The following DLGAP1 variants were observed in gnomAD, a reference collection of about 807,000 sequenced individuals.
DLGAP1 encodes the protein disks large-associated protein 1.
In DLGAP1, 11 loss-of-function variants were observed where a neutral mutation model predicts 90.8. The observed-to-expected ratio is 0.12, with a 90% CI of 0.08 to 0.20. The LOEUF is 0.20. DLGAP1 is among the 10% of genes least tolerant of loss of function. The pLI, the probability that DLGAP1 is intolerant of heterozygous loss-of-function variation, is 1.00. For missense variants in DLGAP1, 1,050 were observed against 1,333.8 expected (o/e 0.79, Z 3.31); for synonymous variants, 558 against 540.7 (o/e 1.03, Z -0.44).
At chr18:4,167,456 C>G (rs548851614) in intron 1 of DLGAP1, among the ~76,000 whole-genome samples, 93 of 152,064 alleles carry the variant, frequency 6.1e-4, no homozygotes, top group Non-Finnish European at 1.2e-3. Context: ...GATATAACCC[C>G]TGAATCTTAA....
chr18:4,237,110 G>A lies in DLGAP1; in HGVS notation c.-266-85823C>T, dbSNP rs376604253. ...GAGTAGCTCAGTGTTAGGACAGAGG[G>A]AAGTCGGGAAATGACTGTGTGTGCC... On this transcript the variant is annotated intron_variant, in intron 1 of 12. Transcript: ENST00000315677. Among the ~76,000 whole-genome samples, 5 of 152,290 alleles carry A rather than the reference G, an allele frequency of 3.3e-5. No individual in the cohort carries two copies. The South Asian group carries it at 6.2e-4, about 19-fold the overall frequency.
chr18:3,624,396 C>T (rs761518328), intron 7 of DLGAP1, among the ~76,000 whole-genome samples: 1 of 152,202 alleles, frequency 6.6e-6, no homozygotes, highest in Non-Finnish European at 1.5e-5. Flanking sequence ...TCTTCCAGCT[C>T]AACACTGATG....
intron 7 of DLGAP1, among the ~76,000 whole-genome samples, chr18:3,687,841 A>G (rs189064619): frequency 6.6e-6 from 1 of 152,296 alleles, no homozygotes; most frequent in East Asian, 1.9e-4. Context: ...ATAACATTGA[A>G]AGAGAAATTC....
At chr18:3,925,669 T>A (rs572227594) in intron 3 of DLGAP1, among the ~76,000 whole-genome samples, 35 of 152,290 alleles carry the variant, frequency 2.3e-4, no homozygotes, top group Non-Finnish European at 4.1e-4. Context: ...CAGATCTCAG[T>A]AAGACATAGT....
chr18:4,151,863 G>A (rs1050579608), intron 1 of DLGAP1, among the ~76,000 whole-genome samples: 5 of 152,028 alleles, frequency 3.3e-5, no homozygotes, highest in Non-Finnish European at 7.4e-5. Flanking sequence ...AATGCATGCG[G>A]GTCTTAAAAC....
chr18:3,804,871 C>T (rs994613609), intron 5 of DLGAP1, among the ~76,000 whole-genome samples: 9 of 152,194 alleles, frequency 5.9e-5, no homozygotes, highest in African/African-American at 2.2e-4. Context: ...GAAAATAAAC[C>T]AGTGCTTAAG....
chr18:3,674,016 T>C (rs1237940126), intron 7 of DLGAP1, among the ~76,000 whole-genome samples: 2 of 150,874 alleles, frequency 1.3e-5, no homozygotes, highest in Non-Finnish European at 3.0e-5. Context: ...CTAATTTTTA[T>C]ACTTTAGCAG....
At chr18:4,188,674 C>T (rs2077342443) in intron 1 of DLGAP1, among the ~76,000 whole-genome samples, 1 of 152,166 alleles carries the variant, frequency 6.6e-6, no homozygotes, top group African/African-American at 2.4e-5. Context: ...CATAGTATTC[C>T]ATGGTGTAGG....
intron 1 of DLGAP1, among the ~76,000 whole-genome samples, chr18:4,409,255 A>G (rs966015059): frequency 2.0e-5 from 3 of 152,134 alleles, no homozygotes; most frequent in Non-Finnish European, 4.4e-5. Context: ...AGAATGATAC[A>G]TGTGACTACA....
chr18:3,943,555 G>A lies in DLGAP1; in HGVS notation c.-73+61561C>T, dbSNP rs575790701. Among the ~76,000 whole-genome samples, 338 of 150,244 alleles carry A rather than the reference G, an allele frequency of 2.2e-3. 3 individuals are homozygous for A. Among genetic ancestry groups the A allele is most frequent in the African/African-American group, 7.6e-3 (312 of 40,858 alleles). ...CCTTTTATGAATTTGCAAATCGGTA[G>A]AACTGGTCAGTCATTGGAAAGGGGA... On this transcript the variant is annotated intron_variant, in intron 3 of 12. Coordinates refer to ENST00000315677, the MANE Select transcript of DLGAP1 (RefSeq NM_004746.4).
chr18:3,685,359 C>G (rs1347589563), intron 7 of DLGAP1, among the ~76,000 whole-genome samples: 1 of 151,806 alleles, frequency 6.6e-6, no homozygotes, highest in African/African-American at 2.4e-5. Flanking sequence ...GTCAGGAGAT[C>G]GAGACCATCC....
At chr18:4,064,062 T>C (rs1037736405) in intron 2 of DLGAP1, among the ~76,000 whole-genome samples, 3 of 152,070 alleles carry the variant, frequency 2.0e-5, no homozygotes, top group Non-Finnish European at 2.9e-5. Flanking sequence ...CTCAGTCTTT[T>C]AGCATCTGGC....
chr18:4,335,570 C>T (rs979179023), intron 1 of DLGAP1, among the ~76,000 whole-genome samples: 6 of 149,556 alleles, frequency 4.0e-5, no homozygotes, highest in Non-Finnish European at 5.9e-5. Context: ...TGTGGTTTCA[C>T]CTGGCTCTGG....
chr18:4,129,487 G>A (rs35295677), intron 2 of DLGAP1, among the ~76,000 whole-genome samples: 24,189 of 152,070 alleles, frequency 0.16, 2,095 homozygotes, highest in Middle Eastern at 0.23. Flanking sequence ...ATCGTGGTGC[G>A]TCATAGAATG....
At chr18:3,543,622 T>C (rs538398360) in intron 9 of DLGAP1, among the ~76,000 whole-genome samples, 7 of 152,352 alleles carry the variant, frequency 4.6e-5, no homozygotes, top group Admixed American at 2.0e-4. Context: ...CTGAACTTAC[T>C]ATATTATCTG....
Position 4,096,022 on chromosome 18 carries a change from A to G in DLGAP1, c.-159+55158T>C, listed in dbSNP as rs368740134. On this transcript the variant is annotated intron_variant, in intron 2 of 12. Coordinates refer to ENST00000315677, the MANE Select transcript of DLGAP1 (RefSeq NM_004746.4). ...TACCTTTAGGCAGAATGTGGAATCT[A>G]TGTTTTTGGGGATTTGTTTTTGAGA... Among the ~76,000 whole-genome samples the G allele has an allele frequency of 5.0e-4, 76 of 152,148 alleles. 1 individual carries two copies. The South Asian group carries it at 0.015, about 31-fold the overall frequency.
chr18:4,355,266 C>T (rs1245929369), intron 1 of DLGAP1, among the ~76,000 whole-genome samples: 4 of 152,202 alleles, frequency 2.6e-5, no homozygotes, highest in Non-Finnish European at 5.9e-5. Flanking sequence ...TGGACTACTA[C>T]CTAGCCATAA....
intron 2 of DLGAP1, among the ~76,000 whole-genome samples, chr18:4,068,198 A>G (rs1328160116): frequency 1.3e-5 from 2 of 151,894 alleles, no homozygotes; most frequent in Admixed American, 1.3e-4. Flanking sequence ...TGCCTCCTCA[A>G]TGCAATATGG....
intron 4 of DLGAP1, among the ~76,000 whole-genome samples, chr18:3,823,990 G>A (rs2067572050): frequency 6.8e-6 from 1 of 147,318 alleles, no homozygotes; most frequent in Non-Finnish European, 1.5e-5. Flanking sequence ...AGAGGTCTAG[G>A]TCTATGGTAA....
Sources: gnomAD v4.1 joint callset for allele counts (sites outside exome capture counted in the v4.1 genomes callset) on GRCh38, gnomAD v4.1.1 for gene constraint, MANE v1.5 for transcripts, NCBI Gene and HGNC (gene_info 2026-07-23, HGNC 2026-07-21) for gene names.